The following APP variants were observed in gnomAD, a reference collection of about 807,000 sequenced individuals.
APP encodes amyloid beta precursor protein, also known as amyloid-beta precursor protein.
APP carries 31 observed loss-of-function variants against 101.4 expected under a neutral mutation model. The observed-to-expected ratio is 0.31, with a 90% confidence interval of 0.23 to 0.41. The LOEUF is 0.41. Among genes scored for constraint, APP ranks in the 10% least tolerant of loss-of-function variants. The pLI is 1.00. For synonymous variants in APP, 366 were observed against 364.4 expected (o/e 1.00, Z -0.05); for missense variants, 839 against 1,003.7 (o/e 0.84, Z 2.22).
intron 11 of APP, among the ~76,000 whole-genome samples, chr21:25,956,003 C>T (rs532745171): frequency 3.9e-5 from 6 of 152,144 alleles, no homozygotes; most frequent in Admixed American, 6.5e-5. Context: ...GTCCTCCTTA[C>T]TCAACATTTT....
At chr21:26,159,236 C>T (rs1169568939) in intron 1 of APP, among the ~76,000 whole-genome samples, 4 of 152,182 alleles carry the variant, frequency 2.6e-5, no homozygotes, top group Admixed American at 6.5e-5. Flanking sequence ...CCTGTCACCA[C>T]GCCCGGTTAA....
intron 1 of APP, among the ~76,000 whole-genome samples, chr21:26,155,988 G>A (rs981574160): frequency 1.5e-4 from 21 of 136,984 alleles, no homozygotes; most frequent in Admixed American, 1.4e-3. Flanking sequence ...ACAACAGAGC[G>A]AGACTTCGTC....
chr21:25,975,931 T>C (rs758297476), intron 10 of APP, 23 bp downstream of exon 10: 2 of 1,600,402 alleles, frequency 1.2e-6, no homozygotes, highest in Admixed American at 1.7e-5. Flanking sequence ...TGATGTTTGG[T>C]AGGAAATGGG....
At chr21:25,892,956 A>C (rs1173126557) in intron 16 of APP, among the ~76,000 whole-genome samples, 2 of 52,158 alleles carry the variant, frequency 3.8e-5, no homozygotes, top group Non-Finnish European at 8.4e-5. Context: ...ATTTAAAAAA[A>C]AAAAACAAAA....
intron 3 of APP, among the ~76,000 whole-genome samples, chr21:26,073,417 AG>A (rs1407442550): frequency 1.3e-5 from 2 of 152,158 alleles, no homozygotes; most frequent in African/African-American, 4.8e-5. Context: ...GTGCCCAGTG[AG>A]TCCGACAACC....
Position 26,021,944 on chromosome 21 carries a change from ACCTCATCACCAT to A in APP, c.749_760del (p.Asp250_Glu253del), listed in dbSNP as rs1352035115. The stretch of plus-strand genomic sequence containing the variant: ...GTAGGGTTCCTCAGCCTCTTCCTCT[ACCTCATCACCAT>A]CCTCATCGTCCTCGTCATCATCGGC... On this transcript the variant is annotated inframe_deletion, in exon 6 of 18. Transcript: ENST00000346798. The A allele has an allele frequency of 6.2e-7, 1 of 1,613,118 alleles. No individual in the cohort carries two copies. The highest frequency in any genetic ancestry group is 1.3e-5 in the African/African-American group (1 of 74,792).
In APP at chr21:26,109,388, G is replaced by T. The variant is rs916335811; in HGVS notation, c.225+2591C>A. Reference sequence around the variant, plus strand: ...GTGTTCTCATGAGATCCGGGTGTTTGAAAGTGTGTAGCACCTCTCCCTTCA... The same window carrying T: ...GTGTTCTCATGAGATCCGGGTGTTTTAAAGTGTGTAGCACCTCTCCCTTCA... On this transcript the variant is annotated intron_variant, in intron 2 of 17. Coordinates refer to ENST00000346798, the MANE Select transcript of APP (RefSeq NM_000484.4). Among the ~76,000 whole-genome samples the T allele has an allele frequency of 2.0e-5, 3 of 152,100 alleles. No individual in the cohort carries two copies. In the South Asian group the frequency reaches 6.2e-4, roughly 32 times the overall value.
At chr21:25,884,124 C>T (rs1387968432) in intron 17 of APP, among the ~76,000 whole-genome samples, 4 of 152,224 alleles carry the variant, frequency 2.6e-5, no homozygotes. Flanking sequence ...GATCCGCCTA[C>T]CTCGGCCTCC....
At chr21:25,932,593 C>T (rs1041347322) in intron 13 of APP, among the ~76,000 whole-genome samples, 2 of 152,158 alleles carry the variant, frequency 1.3e-5, no homozygotes. Flanking sequence ...CTCATCCAGG[C>T]TTCTGAGTCT....
At chr21:26,130,922 A>G (rs2062780527) in intron 1 of APP, among the ~76,000 whole-genome samples, 1 of 152,182 alleles carries the variant, frequency 6.6e-6, no homozygotes, top group African/African-American at 2.4e-5. Flanking sequence ...TATGCCTATT[A>G]CTGGGTAATA....
At chr21:26,075,924 G>C (rs928745994) in intron 3 of APP, among the ~76,000 whole-genome samples, 4 of 151,860 alleles carry the variant, frequency 2.6e-5, no homozygotes, top group Non-Finnish European at 5.9e-5. Context: ...ACGGAGTTTC[G>C]CTCTTGTCAT....
chr21:25,926,952 G>A lies in APP; in HGVS notation c.1688-14990C>T, dbSNP rs558281690. 1.9e-3 allele frequency among the ~76,000 whole-genome samples: 236 copies of A among 127,114 alleles called. 1 individual carries two copies. The highest frequency in any genetic ancestry group is 6.6e-3 in the African/African-American group (219 of 33,260). 83.4% of individuals were successfully genotyped at this position (127,114 alleles called of 152,430 possible). On this transcript the variant is annotated intron_variant, in intron 13 of 17. Transcript: ENST00000346798. The stretch of plus-strand genomic sequence containing the variant: ...CCGGAGGCGGAGCTTGCAGTGAGCC[G>A]AGATCGCGCCACTGCACTCCAGTCT...
chr21:26,054,628 T>G (rs1010493585), intron 3 of APP, among the ~76,000 whole-genome samples: 32 of 142,168 alleles, frequency 2.3e-4, no homozygotes, highest in African/African-American at 7.8e-4. Flanking sequence ...AAGTTTTTTT[T>G]TTTTTTTTTT....
At chr21:25,991,389 C>A (rs1418670390) in intron 8 of APP, among the ~76,000 whole-genome samples, 4 of 151,652 alleles carry the variant, frequency 2.6e-5, no homozygotes, top group Admixed American at 6.5e-5. Flanking sequence ...CTTTTTTTTC[C>A]CCCTTGAGAT....
intron 11 of APP, among the ~76,000 whole-genome samples, chr21:25,957,583 T>C (rs922752907): frequency 6.6e-6 from 1 of 152,214 alleles, no homozygotes; most frequent in Non-Finnish European, 1.5e-5. Context: ...TTAACCATGA[T>C]GTTCCTTCCT....
intron 8 of APP, among the ~76,000 whole-genome samples, chr21:25,990,745 T>C (rs2042827365): frequency 6.7e-6 from 1 of 148,394 alleles, no homozygotes; most frequent in Non-Finnish European, 1.5e-5. Context: ...TTCCTTTATA[T>C]GGTTATTTAC....
Position 26,090,097 on chromosome 21 carries a change from A to C in APP, c.226-25T>G, listed in dbSNP as rs371015179. 7.4e-6 allele frequency: 12 copies of C among 1,613,550 alleles called. No homozygotes were observed. In the African/African-American group the frequency reaches 1.2e-4, roughly 16 times the overall value. ...CCTGGGAGAGCACACAAAAAGAATC[A>C]ATTGTTACTTGAGGCAGGGGCTGGC... On this transcript the variant is annotated intron_variant, in intron 2 of 17. Coordinates refer to ENST00000346798, the MANE Select transcript of APP (RefSeq NM_000484.4).
At chr21:26,105,815 T>TCC (rs1340227206) in intron 2 of APP, among the ~76,000 whole-genome samples, 1 of 152,190 alleles carries the variant, frequency 6.6e-6, no homozygotes, top group Admixed American at 6.5e-5. Flanking sequence ...CATGATGCAC[T>TCC]CCCTCACCTC....
At chr21:26,038,877 T>TA (rs1236215537) in intron 5 of APP, among the ~76,000 whole-genome samples, 3 of 152,178 alleles carry the variant, frequency 2.0e-5, no homozygotes, top group African/African-American at 7.2e-5. Context: ...TTACACCAAT[T>TA]AGTCGTTTTG....
Sources: allele counts gnomAD v4.1 joint callset (sites outside exome capture counted in the v4.1 genomes callset), GRCh38; gene constraint gnomAD v4.1.1; transcripts MANE v1.5; gene names NCBI Gene and HGNC (gene_info 2026-07-23, HGNC 2026-07-21).